C1orf105: variants seen among roughly 807,000 people sequenced by gnomAD.
C1orf105 encodes chromosome 1 open reading frame 105, also known as uncharacterized protein C1orf105.
Under a neutral mutation model 20.8 loss-of-function variants are expected in C1orf105, and 17 were observed. The observed-to-expected ratio is 0.82, with a 90% CI of 0.56 to 1.23. The LOEUF (loss-of-function observed/expected upper bound fraction) is 1.23. Ranked by LOEUF, C1orf105 falls within the 50% of genes most tolerant of loss-of-function variation. The pLI is 0.00. For synonymous variants in C1orf105, 72 were observed against 72.1 expected (o/e 1.00, Z 0.01); for missense variants, 219 against 213.5 (o/e 1.03, Z -0.16).
rs1334862025 is a variant in C1orf105, at chr1:172,420,877, A to T, written c.-9A>T. 6.2e-7 allele frequency: 1 copy of T among 1,611,976 alleles called. No individual in the cohort carries two copies. The highest frequency in any genetic ancestry group is 1.7e-5 in the Admixed American group (1 of 59,920). ...CTAGAAAAACTCAGAACATCTAAAG[A>T]TCTGAAAGATGGAAAAAAGAGAACT... On this transcript the variant is annotated 5_prime_UTR_variant, in exon 1 of 7. Transcript: ENST00000367727.
intron 1 of C1orf105, among the ~76,000 whole-genome samples, chr1:172,439,996 G>T (rs931410627): frequency 6.6e-6 from 1 of 152,102 alleles, no homozygotes. Flanking sequence ...CAGTCCAATT[G>T]ACCTTACAGA....
chr1:172,442,880 T>G (rs767045820), intron 1 of C1orf105: 2 of 423,538 alleles, frequency 4.7e-6, no homozygotes, highest in African/African-American at 2.0e-5. Context: ...AGGTCAAGAG[T>G]AGTACTGAGA....
At chr1:172,444,286 G>A in intron 1 of C1orf105, 3 of 985,458 alleles carry the variant, frequency 3.0e-6, no homozygotes, top group Non-Finnish European at 3.6e-6. Context: ...GAAGGACTGG[G>A]TAAGGCAAGA....
At chr1:172,435,323 G>T (rs984975485) in intron 1 of C1orf105, among the ~76,000 whole-genome samples, 1 of 152,200 alleles carries the variant, frequency 6.6e-6, no homozygotes, top group Non-Finnish European at 1.5e-5. Context: ...TATCCCTGAT[G>T]AATGTCGATG....
At chr1:172,425,499 C>A (rs996284275) in intron 1 of C1orf105, among the ~76,000 whole-genome samples, 2 of 152,106 alleles carry the variant, frequency 1.3e-5, no homozygotes, top group Admixed American at 6.5e-5. Flanking sequence ...GCAGGCCCAA[C>A]AAGCCTTCAG....
intron 1 of C1orf105, among the ~76,000 whole-genome samples, chr1:172,433,080 A>G (rs2071923041): frequency 6.6e-6 from 1 of 152,248 alleles, no homozygotes; most frequent in Admixed American, 6.5e-5. Flanking sequence ...AAGAGTAAAA[A>G]GAAACAAACA....
chr1:172,448,730 A>G (rs1173814937), intron 3 of C1orf105, among the ~76,000 whole-genome samples, 199 bp downstream of exon 3: 1 of 152,090 alleles, frequency 6.6e-6, no homozygotes, highest in African/African-American at 2.4e-5. Context: ...CACTAGAACT[A>G]AGAATACAGG....
At chr1:172,461,944 C>T (rs1649724089) in intron 4 of C1orf105, among the ~76,000 whole-genome samples, 1 of 152,154 alleles carries the variant, frequency 6.6e-6, no homozygotes, top group Non-Finnish European at 1.5e-5. Flanking sequence ...GGCATCTAAA[C>T]CAACCAATTT....
chr1:172,464,879 G>A (rs10911776), intron 5 of C1orf105, among the ~76,000 whole-genome samples: 5 of 152,120 alleles, frequency 3.3e-5, no homozygotes, highest in South Asian at 2.1e-4. Context: ...AAGAGATTAC[G>A]TGTGTTTAAA....
intron 3 of C1orf105, chr1:172,451,168 T>C (rs895762194): frequency 6.6e-6 from 1 of 152,278 alleles, no homozygotes; most frequent in African/African-American, 2.4e-5. Flanking sequence ...GAAATCTCTT[T>C]GCCCACTTGC....
intron 1 of C1orf105, among the ~76,000 whole-genome samples, chr1:172,438,892 T>A (rs2072127153): frequency 6.6e-6 from 1 of 152,184 alleles, no homozygotes; most frequent in Non-Finnish European, 1.5e-5. Flanking sequence ...AAGACCCTCA[T>A]CAGCAAAAAG....
rs1222216423 is a variant in C1orf105 at position 172,468,494 on chromosome 1, T to C, written c.452T>C (p.Val151Ala). ...CCCATTCTGGGCCCCAGGACAGCTG[T>C]CTTCCACGGATTACTGACAGAGGCC... ...RLPILGPRTA[V>A]FHGLLTEAYK... The change falls in exon 7 of 7, where the codon GTC (valine) becomes GCC (alanine). Residue 151 changes from valine to alanine, a missense_variant. Coordinates refer to ENST00000367727, the MANE Select transcript of C1orf105 (RefSeq NM_139240.4). 6.2e-7 allele frequency: 1 copy of C among 1,614,010 alleles called. No individual in the cohort carries two copies. Among genetic ancestry groups the C allele is most frequent in the Admixed American group, 1.7e-5 (1 of 60,016 alleles).
At chr1:172,429,004 A>T (rs772533311) in intron 1 of C1orf105, among the ~76,000 whole-genome samples, 1 of 152,210 alleles carries the variant, frequency 6.6e-6, no homozygotes, top group Non-Finnish European at 1.5e-5. Context: ...GGGAACGATG[A>T]GGAATTTGAC....
At chr1:172,422,658 G>C (rs924065155) in intron 1 of C1orf105, among the ~76,000 whole-genome samples, 1 of 151,914 alleles carries the variant, frequency 6.6e-6, no homozygotes, top group Non-Finnish European at 1.5e-5. Context: ...TAGCCACAGT[G>C]GGAAAGAGCA....
At position 172,424,296 on chromosome 1, in the gene C1orf105, C is replaced by T. The variant is rs2071668113; in HGVS notation, c.21+3390C>T. Among the ~76,000 whole-genome samples the T allele has an allele frequency of 2.0e-5, 3 of 152,228 alleles. No individual in the cohort carries two copies. The South Asian group carries it at 6.2e-4, about 32-fold the overall frequency. On this transcript the variant is annotated intron_variant, in intron 1 of 6. Coordinates refer to ENST00000367727, the MANE Select transcript of C1orf105 (RefSeq NM_139240.4). ...AAGAAGTCACTAATGTGGGTTCTGC[C>T]TCTCAAAACAGCTACTAACAAAGTA...
chr1:172,444,055 C>G (rs1030827645), intron 1 of C1orf105: 30 of 999,254 alleles, frequency 3.0e-5, no homozygotes, highest in Non-Finnish European at 3.6e-5. Context: ...TTCGGGGCGC[C>G]GGGGCTGCGA....
At position 172,427,071 on chromosome 1, in the gene C1orf105, T is replaced by C. The variant is rs75184617; in HGVS notation, c.21+6165T>C. 2.6e-4 allele frequency among the ~76,000 whole-genome samples: 40 copies of C among 152,336 alleles called. No homozygotes were observed. The East Asian group carries it at 7.5e-3, about 29-fold the overall frequency. On this transcript the variant is annotated intron_variant, in intron 1 of 6. Coordinates refer to ENST00000367727, the MANE Select transcript of C1orf105 (RefSeq NM_139240.4). ...TACTGCCAAGCAGTTACACTAAGCA[T>C]CCCTTGTTCATTCACTCTCCCAATG...
intron 1 of C1orf105, among the ~76,000 whole-genome samples, chr1:172,428,640 C>G (rs937108888): frequency 3.9e-5 from 6 of 152,164 alleles, no homozygotes; most frequent in Non-Finnish European, 8.8e-5. Flanking sequence ...TTACCTTTCC[C>G]ATGAGACCTA....
intron 1 of C1orf105, among the ~76,000 whole-genome samples, chr1:172,435,634 A>C (rs568795122): frequency 6.6e-6 from 1 of 152,330 alleles, no homozygotes; most frequent in East Asian, 1.9e-4. Context: ...CCCATAACCA[A>C]TATCATACTG....
Sources: gnomAD v4.1 joint callset for allele counts (sites outside exome capture counted in the v4.1 genomes callset) on GRCh38, gnomAD v4.1.1 for gene constraint, MANE v1.5 for transcripts, NCBI Gene and HGNC (gene_info 2026-07-23, HGNC 2026-07-21) for gene names.